The following SMARCD1 variants were observed in gnomAD, a reference collection of about 807,000 sequenced individuals.
SMARCD1 encodes SWI/SNF related BAF chromatin remodeling complex subunit D1.
SMARCD1 carries 16 observed loss-of-function variants against 70.8 expected under a neutral mutation model. That is an observed-to-expected ratio of 0.23 (90% confidence interval 0.15 to 0.34). The LOEUF is 0.34. Among genes scored for constraint, SMARCD1 ranks in the 10% least tolerant of loss-of-function variants. The pLI is 1.00. For missense variants in SMARCD1, 409 were observed against 655.5 expected (o/e 0.62, Z 4.11); for synonymous variants, 249 against 246.0 (o/e 1.01, Z -0.11).
At chr12:50,088,414 T>C in intron 5 of SMARCD1, 107 bp from the exon 6 acceptor site, 1 of 703,920 alleles carries the variant, frequency 1.4e-6, no homozygotes, top group Non-Finnish European at 2.6e-6. Context: ...CAGAAGATAT[T>C]TTTTGAGTTT....
intron 5 of SMARCD1, 182 bp from the exon 6 acceptor site, chr12:50,088,335 TTCTG>T: frequency 2.9e-6 from 2 of 695,322 alleles, no homozygotes; most frequent in East Asian, 5.4e-5. Context: ...TTCTTCAGGG[TTCTG>T]TTGCTACTAT....
At position 50,095,393 on chromosome 12, in the gene SMARCD1, C is replaced by T. The variant is rs1327794119; in HGVS notation, c.1269+821C>T. Among the ~76,000 whole-genome samples, 6 of 151,714 alleles carry T rather than the reference C, an allele frequency of 4.0e-5. No homozygotes were observed. The East Asian group carries it at 1.2e-3, about 30-fold the overall frequency. On this transcript the variant is annotated intron_variant, in intron 10 of 12. Transcript: ENST00000394963. ...TCAGGCTGGAGTGCAATGGCATGATCTTGGCTCACTACGACCTCCGCCTCC... is the reference window on the plus strand; with the variant it reads ...TCAGGCTGGAGTGCAATGGCATGATTTTGGCTCACTACGACCTCCGCCTCC...
chr12:50,086,381 A>G, intron 2 of SMARCD1, 33 bp downstream of exon 2: 3 of 662,134 alleles, frequency 4.5e-6, no homozygotes, highest in Non-Finnish European at 8.4e-6. Flanking sequence ...GGAGGGAGGG[A>G]GGGAGCCTGG....
Position 50,086,751 on chromosome 12 carries a change from C to A in SMARCD1, c.409-5C>A, listed in dbSNP as rs1442616998. 24 of 1,614,032 alleles carry A rather than the reference C, an allele frequency of 1.5e-5. No homozygotes were observed. The highest frequency in any genetic ancestry group is 2.0e-5 in the Non-Finnish European group (24 of 1,179,996). On this transcript the variant is annotated splice_region_variant and splice_polypyrimidine_tract_variant and intron_variant, in intron 3 of 12. Transcript: ENST00000394963. ...TAGATTTCAATTAATTTTTCTGTTC[C>A]TAAGATTCGTGAACTGGTACCAGAA...
At chr12:50,098,646 G>T in intron 11 of SMARCD1, 68 bp from the exon 12 acceptor site, 1 of 1,233,158 alleles carries the variant, frequency 8.1e-7, no homozygotes. Context: ...CCCAATAATG[G>T]GTGTGAAGGA....
chr12:50,093,778 C>T (rs778805227), intron 9 of SMARCD1, among the ~76,000 whole-genome samples: 19 of 151,748 alleles, frequency 1.3e-4, no homozygotes, highest in African/African-American at 3.6e-4. Context: ...CACCATGGCT[C>T]GCCGAATTTT....
chr12:50,089,442 T>C (rs1032366490), intron 6 of SMARCD1: 4 of 158,102 alleles, frequency 2.5e-5, no homozygotes, highest in African/African-American at 9.6e-5. Flanking sequence ...ACTTACTGGC[T>C]GTTTGACCTA....
At chr12:50,086,079 T>C in intron 1 of SMARCD1, 82 bp from the exon 2 acceptor site, 1 of 1,089,052 alleles carries the variant, frequency 9.2e-7, no homozygotes, top group Non-Finnish European at 1.3e-6. Context: ...CATTCAAAGA[T>C]CTCAGGCGTT....
chr12:50,090,187 C>T, intron 7 of SMARCD1, 54 bp from the exon 8 acceptor site: 1 of 1,521,666 alleles, frequency 6.6e-7, no homozygotes, highest in East Asian at 2.3e-5. Context: ...GAATGTATTG[C>T]TGCATATAGA....
intron 9 of SMARCD1, among the ~76,000 whole-genome samples, chr12:50,092,902 G>A (rs1266330491): frequency 6.6e-6 from 1 of 152,028 alleles, no homozygotes; most frequent in East Asian, 2.0e-4. Flanking sequence ...GTTTGGCTGG[G>A]CGCAGTGGCT....
intron 10 of SMARCD1, among the ~76,000 whole-genome samples, chr12:50,096,088 G>A (rs76473181): frequency 2.2e-3 from 336 of 152,316 alleles, no homozygotes; most frequent in Non-Finnish European, 3.9e-3. Context: ...CATGTGAGAC[G>A]TGTTGAGGCC....
At position 50,090,421 on chromosome 12, in the gene SMARCD1, C is replaced by CT. The variant is rs1212321170; in HGVS notation, c.1035+23dup. On this transcript the variant is annotated intron_variant, in intron 8 of 12. Transcript: ENST00000394963. ...GCAGCAGGTAAGTAATGGACCCATTCTTTTGCTAGAATCCATTAGAACACT... is the reference window on the plus strand; with the variant it reads ...GCAGCAGGTAAGTAATGGACCCATTCTTTTTGCTAGAATCCATTAGAACACT... 1.9e-5 allele frequency: 31 copies of CT among 1,613,526 alleles called. No individual in the cohort carries two copies. The highest frequency in any genetic ancestry group is 2.5e-5 in the Non-Finnish European group (29 of 1,179,670).
rs1950832366 is a variant in SMARCD1, at chr12:50,090,550, C to T, written c.1093C>T (p.Leu365Phe). The T allele has an allele frequency of 6.2e-7, 1 of 1,613,914 alleles. No individual in the cohort carries two copies. Among genetic ancestry groups the T allele is most frequent in the Non-Finnish European group, 8.5e-7 (1 of 1,179,888 alleles). Residue 365 changes from leucine (L) to phenylalanine (F), a missense_variant, in exon 9 of 13, where the codon CTT (leucine) becomes TTT (phenylalanine). Physicochemically the swap from Leu to Phe is conservative, Grantham distance 22. Transcript: ENST00000394963. ...SEIPQRLHAL[L>F]MPPEPIIINH... ...GATCCCTCAGCGGCTCCATGCCTTG[C>T]TTATGCCACCAGAACCTATCATCAT...
chr12:50,089,782 C>A, intron 6 of SMARCD1, 102 bp from the exon 7 acceptor site: 1 of 781,712 alleles, frequency 1.3e-6, no homozygotes, highest in Non-Finnish European at 2.1e-6. Flanking sequence ...TCTCCAGTAG[C>A]CTCAGTAATC....
chr12:50,088,118 C>T (rs1008477871), intron 5 of SMARCD1: 10 of 622,230 alleles, frequency 1.6e-5, no homozygotes, highest in South Asian at 9.2e-5. Flanking sequence ...TATATAGGTC[C>T]GGTCCATCTG....
In SMARCD1 at chr12:50,099,666, C is replaced by T. The variant is rs1950922290; in HGVS notation, c.*666C>T. 4.6e-6 allele frequency: 1 copy of T among 219,572 alleles called. No individual in the cohort carries two copies. 13.6% of individuals were successfully genotyped at this position (219,572 alleles called of 1,614,324 possible). A position where few individuals can be genotyped will look rare whatever the true frequency, so the allele number is the denominator to read the frequency against. On this transcript the variant is annotated 3_prime_UTR_variant, in exon 13 of 13. Transcript: ENST00000394963. ...GGAGTTTTGTTCTTTATTGCTCCCTCCCAGACACTCCCTGTGGCTGCCCTT... is the reference window on the plus strand; with the variant it reads ...GGAGTTTTGTTCTTTATTGCTCCCTTCCAGACACTCCCTGTGGCTGCCCTT...
At chr12:50,092,514 AC>A (rs1483868641) in intron 9 of SMARCD1, among the ~76,000 whole-genome samples, 1 of 128,544 alleles carries the variant, frequency 7.8e-6, no homozygotes. Context: ...GAGCCACCAC[AC>A]CCGGTGGGCT....
Position 50,099,647 on chromosome 12 carries a change from T to C in SMARCD1, c.*647T>C, listed in dbSNP as rs1206996208. ...TGGGGTCCACATCAGTATTGGAGTT[T>C]TGTTCTTTATTGCTCCCTCCCAGAC... On this transcript the variant is annotated 3_prime_UTR_variant, in exon 13 of 13. Coordinates refer to ENST00000394963, the MANE Select transcript of SMARCD1 (RefSeq NM_003076.5). 7.8e-6 allele frequency: 2 copies of C among 257,118 alleles called. No individual in the cohort carries two copies. Among genetic ancestry groups the C allele is most frequent in the Non-Finnish European group, 1.5e-5 (2 of 136,424 alleles). The allele number at this position is 257,118 out of a possible 1,614,324, so 15.9% of individuals were successfully genotyped here. A position where few individuals can be genotyped will look rare whatever the true frequency, so the allele number is the denominator to read the frequency against.
At chr12:50,086,584 T>G in intron 2 of SMARCD1, 37 bp from the exon 3 acceptor site, 2 of 1,604,350 alleles carry the variant, frequency 1.2e-6, no homozygotes, top group Non-Finnish European at 1.7e-6. Context: ...TCTGACTAGT[T>G]CTGTCCCAAC....
Sources: allele counts gnomAD v4.1 joint callset (sites outside exome capture counted in the v4.1 genomes callset), GRCh38; gene constraint gnomAD v4.1.1; transcripts MANE v1.5; gene names NCBI Gene and HGNC (gene_info 2026-07-23, HGNC 2026-07-21).